The following PRRC2B variants were observed in gnomAD, a reference collection of about 807,000 sequenced individuals.
The protein encoded by PRRC2B is proline rich coiled-coil 2B.
PRRC2B carries 68 observed loss-of-function variants against 242.3 expected under a neutral mutation model. That is an observed-to-expected ratio of 0.28 (90% CI 0.23 to 0.34). The LOEUF is 0.34. Ranked by LOEUF, PRRC2B falls within the 10% of genes least tolerant of loss-of-function variation. The pLI is 1.00. For synonymous variants in PRRC2B, 1,228 were observed against 1,173.6 expected, an observed-to-expected ratio of 1.05 and a Z score of -0.95; for missense variants, 2,835 against 2,954.8, an observed-to-expected ratio of 0.96 and a Z score of 0.94.
Position 131,475,158 on chromosome 9 carries a change from A to C in PRRC2B, c.3029A>C (p.His1010Pro). ...TTTLEDKGPGHATFGREATKF... is the reference protein window; with the variant it reads ...TTTLEDKGPGPATFGREATKF... ...ACTTTGGAGGACAAAGGCCCTGGCC[A>C]TGCCACTTTTGGCCGCGAGGCCACC... Residue 1010 changes from histidine (H) to proline (P), a missense_variant, in exon 16 of 32, where the codon CAT becomes CCT. By Grantham distance (77) the His-to-Pro change is moderately conservative. Around this residue, in one of 7 missense-constraint regions of PRRC2B, gnomAD observed 1,536 missense variants for 1,483.1 expected, o/e 1.04. Coordinates refer to ENST00000683519, the MANE Select transcript of PRRC2B (RefSeq NM_013318.4). 1 of 1,613,300 alleles carries C rather than the reference A, an allele frequency of 6.2e-7. No homozygotes were observed. Among genetic ancestry groups the C allele is most frequent in the East Asian group, 2.2e-5 (1 of 44,862 alleles).
Position 131,475,285 on chromosome 9 carries a change from T to A in PRRC2B, c.3156T>A (p.Ile1052=). Residue 1052 remains isoleucine (I), a synonymous_variant, in exon 16 of 32, where the codon ATT becomes ATA. Coordinates refer to ENST00000683519, the MANE Select transcript of PRRC2B (RefSeq NM_013318.4). ...PPMKRNNWIF[I]DEEQAFGVRG... ...TGAAGAGAAATAACTGGATCTTTAT[T>A]GATGAGGAGCAAGCCTTTGGGGTCA... 1 of 1,611,762 alleles carries A rather than the reference T, an allele frequency of 6.2e-7. No homozygotes were observed. Among genetic ancestry groups the A allele is most frequent in the South Asian group, 1.1e-5 (1 of 90,896 alleles).
Position 131,444,337 on chromosome 9 carries a change from C to T in PRRC2B, c.613+9C>T, listed in dbSNP as rs775964364. On this transcript the variant is annotated intron_variant, in intron 6 of 31. Coordinates refer to ENST00000683519, the MANE Select transcript of PRRC2B (RefSeq NM_013318.4). ...AAGCCTCCGCCCTCAGAGTAAGTGACTGCAGCCTCTGGGCACTCGATGGAG... is the reference window on the plus strand; with the variant it reads ...AAGCCTCCGCCCTCAGAGTAAGTGATTGCAGCCTCTGGGCACTCGATGGAG... The T allele has an allele frequency of 1.2e-5, 19 of 1,609,084 alleles. No individual in the cohort carries two copies. Among genetic ancestry groups the T allele is most frequent in the African/African-American group, 9.4e-5 (7 of 74,840 alleles).
In PRRC2B at chr9:131,426,497, A is replaced by C. The variant is rs59708598; in HGVS notation, c.-51-3597A>C. 6.2e-3 allele frequency among the ~76,000 whole-genome samples: 940 copies of C among 152,196 alleles called. 9 individuals are homozygous for C. Among genetic ancestry groups the C allele is most frequent in the African/African-American group, 0.022 (895 of 41,526 alleles). On this transcript the variant is annotated intron_variant, in intron 1 of 31. Coordinates refer to ENST00000683519, the MANE Select transcript of PRRC2B (RefSeq NM_013318.4). The stretch of plus-strand genomic sequence containing the variant: ...TAGCCCACGGAACGATGCTCTTATT[A>C]ATTATGACTTTTGGGGAGTGGGACA...
intron 23 of PRRC2B, among the ~76,000 whole-genome samples, chr9:131,484,092 C>T (rs576697989): frequency 1.4e-4 from 21 of 152,326 alleles, no homozygotes; most frequent in African/African-American, 4.6e-4. Context: ...CTGGGCTCTA[C>T]GAGGTTCTTT....
chr9:131,476,437 G>T lies in PRRC2B; in HGVS notation c.4308G>T (p.Glu1436Asp), dbSNP rs1010386818. ...PVVDRQSRKL[E>D]PGGFGEKPVR... ...TTGACAGACAGAGCCGAAAGCTGGAGCCGGGAGGGTTTGGGGAGAAGCCCG... is the reference window on the plus strand; with the variant it reads ...TTGACAGACAGAGCCGAAAGCTGGATCCGGGAGGGTTTGGGGAGAAGCCCG... Residue 1436 changes from glutamate to aspartate, a missense_variant, in exon 16 of 32, where the codon GAG becomes GAT. Glu to Asp is a conservative substitution (Grantham distance 45). Transcript: ENST00000683519. 3 of 1,612,818 alleles carry T rather than the reference G, an allele frequency of 1.9e-6. No individual in the cohort carries two copies. Among genetic ancestry groups the T allele is most frequent in the Non-Finnish European group, 2.5e-6 (3 of 1,179,512 alleles).
Position 131,491,468 on chromosome 9 carries a change from T to C in PRRC2B, c.6269T>C (p.Leu2090Pro). 1 of 1,611,542 alleles carries C rather than the reference T, an allele frequency of 6.2e-7. No homozygotes were observed. The highest frequency in any genetic ancestry group is 8.5e-7 in the Non-Finnish European group (1 of 1,179,170). The part of the protein sequence containing the change: ...LPRYGSGQQP[L>P]ILPQSIQLPP... The stretch of plus-strand genomic sequence containing the variant: ...CGGTACGGCTCCGGGCAGCAGCCAC[T>C]GATCCTGCCCCAGTCTATTCAGCTG... The change falls in exon 29 of 32, where the codon CTG becomes CCG. Residue 2090 changes from leucine (L) to proline (P), a missense_variant. Leu to Pro is a moderately conservative substitution (Grantham distance 98). This residue lies in a region of PRRC2B where 574 missense variants were observed against 626.0 expected (regional missense o/e 0.92). Coordinates refer to ENST00000683519, the MANE Select transcript of PRRC2B (RefSeq NM_013318.4).
intron 1 of PRRC2B, among the ~76,000 whole-genome samples, chr9:131,396,577 T>C (rs1232372720): frequency 6.6e-6 from 1 of 152,168 alleles, no homozygotes; most frequent in Non-Finnish European, 1.5e-5. Flanking sequence ...TTGCCTGCCT[T>C]GGCCTCCCAA....
chr9:131,476,490 C>T lies in PRRC2B; in HGVS notation c.4361C>T (p.Pro1454Leu). 1 of 1,611,310 alleles carries T rather than the reference C, an allele frequency of 6.2e-7. No individual in the cohort carries two copies. Among genetic ancestry groups the T allele is most frequent in the East Asian group, 2.2e-5 (1 of 44,858 alleles). ...PVRPGGGDTSPRYESQQNGTP... is the reference protein window; with the variant it reads ...PVRPGGGDTSLRYESQQNGTP... ...AGGCCAGGTGGTGGTGACACCTCCC[C>T]TCGCTATGAGAGCCAACAGAATGGG... The change falls in exon 16 of 32, where the codon CCT becomes CTT. Residue 1454 changes from proline (P) to leucine (L), a missense_variant. By Grantham distance (98) the Pro-to-Leu change is moderately conservative. Around this residue, in one of 7 missense-constraint regions of PRRC2B, gnomAD observed 1,536 missense variants for 1,483.1 expected, o/e 1.04. Transcript: ENST00000683519.
rs1165441101 is a variant in PRRC2B at position 131,459,263 on chromosome 9, A to G, written c.1311A>G (p.Glu437=). ...GAGAGGAAGGGAAGGACTGGGCTGA[A>G]GCAGTGGGTGCGTCCCGTGTGGTCC... ...RTREEGKDWA[E]AVGASRVVRK... The change falls in exon 11 of 32, where the codon GAA becomes GAG. Residue 437 remains glutamate, a synonymous_variant. Transcript: ENST00000683519. 6.2e-7 allele frequency: 1 copy of G among 1,613,988 alleles called. No homozygotes were observed. The highest frequency in any genetic ancestry group is 2.2e-5 in the East Asian group (1 of 44,866).
chr9:131,459,282 G>A lies in PRRC2B; in HGVS notation c.1330G>A (p.Val444Met). Residue 444 changes from valine to methionine, a missense_variant, in exon 11 of 32, where the codon GTG becomes ATG. By Grantham distance (21) the Val-to-Met change is conservative. Coordinates refer to ENST00000683519, the MANE Select transcript of PRRC2B (RefSeq NM_013318.4). ...GGCTGAAGCAGTGGGTGCGTCCCGT[G>A]TGGTCCGAAAGGCGCCAGACCCTCA... ...DWAEAVGASR[V>M]VRKAPDPQPP... The A allele has an allele frequency of 6.2e-7, 1 of 1,613,976 alleles. No homozygotes were observed. Among genetic ancestry groups the A allele is most frequent in the Non-Finnish European group, 8.5e-7 (1 of 1,179,882 alleles).
At chr9:131,473,770 C>G in intron 15 of PRRC2B, 46 bp downstream of exon 15, 2 of 1,470,026 alleles carry the variant, frequency 1.4e-6, no homozygotes, top group Non-Finnish European at 1.9e-6. Flanking sequence ...AAGGAGGACT[C>G]CAGGTCCTAA....
chr9:131,460,816 G>A (rs759954163), intron 11 of PRRC2B, among the ~76,000 whole-genome samples: 1 of 151,914 alleles, frequency 6.6e-6, no homozygotes, highest in Non-Finnish European at 1.5e-5. Flanking sequence ...TCCTGGGTCC[G>A]CCCTTTCTCC....
intron 1 of PRRC2B, among the ~76,000 whole-genome samples, chr9:131,422,442 T>C (rs991535662): frequency 2.6e-5 from 4 of 152,200 alleles, no homozygotes; most frequent in African/African-American, 7.2e-5. Flanking sequence ...AGTGCTGTTA[T>C]GAAGGGGAGT....
At chr9:131,428,477 ACTT>A (rs1838033761) in intron 1 of PRRC2B, among the ~76,000 whole-genome samples, 1 of 152,136 alleles carries the variant, frequency 6.6e-6, no homozygotes, top group Admixed American at 6.5e-5. Context: ...GCTCACTGCA[ACTT>A]CTGCCTCCCG....
rs555102669 is a variant in PRRC2B, at chr9:131,475,828, C to T, written c.3699C>T (p.Gly1233=). ...CCCACTGGCAGAGCAAAAGTCCAGG[C>T]AGCTCTTGGCAGGAATATGGCCCTT... ...ESPHWQSKSP[G]SSWQEYGPSD... is the part of the protein sequence containing the mutation. Residue 1233 remains glycine, a synonymous_variant, in exon 16 of 32, where the codon GGC becomes GGT. Coordinates refer to ENST00000683519, the MANE Select transcript of PRRC2B (RefSeq NM_013318.4). The T allele has an allele frequency of 3.6e-4, 577 of 1,612,762 alleles. 2 individuals carry two copies. The South Asian group carries it at 6.0e-3, about 17-fold the overall frequency.
Position 131,499,557 on chromosome 9 carries a change from G to A in PRRC2B, c.*3683G>A, listed in dbSNP as rs1455059058. 6.6e-6 allele frequency: 1 copy of A among 152,250 alleles called. No individual in the cohort carries two copies. Among genetic ancestry groups the A allele is most frequent in the African/African-American group, 2.4e-5 (1 of 41,456 alleles). The allele number at this position is 152,250 out of a possible 1,614,324, so 9.4% of individuals were successfully genotyped here. A position where few individuals can be genotyped will look rare whatever the true frequency, so the allele number is the denominator to read the frequency against. ...CGGACCTAAGCAGGAAGTCATCCAG[G>A]ACAGGAGTGGCTCAGTGTTGGGGAT... On this transcript the variant is annotated 3_prime_UTR_variant, in exon 32 of 32. Transcript: ENST00000683519.
In PRRC2B at chr9:131,416,670, A is replaced by G. The variant is rs111370060; in HGVS notation, c.-51-13424A>G. On this transcript the variant is annotated intron_variant, in intron 1 of 31. Transcript: ENST00000683519. ...CCACATTAAATTTAATCATGTCCCC[A>G]TAGTTTCCACTAGGTTGTGACAATT... Among the ~76,000 whole-genome samples, 1,275 of 150,824 alleles carry G rather than the reference A, an allele frequency of 8.5e-3. 16 individuals are homozygous for G. The highest frequency in any genetic ancestry group is 0.028 in the African/African-American group (1,139 of 41,128).
chr9:131,434,394 C>T (rs569718027), intron 3 of PRRC2B, among the ~76,000 whole-genome samples: 15 of 152,378 alleles, frequency 9.8e-5, no homozygotes, highest in African/African-American at 3.6e-4. Flanking sequence ...TGCTGGAGCA[C>T]GTCCGCCAGG....
chr9:131,413,150 C>T (rs190363708), intron 1 of PRRC2B, among the ~76,000 whole-genome samples: 20 of 152,292 alleles, frequency 1.3e-4, no homozygotes, highest in African/African-American at 4.8e-4. Flanking sequence ...TATACTGGTC[C>T]AAGCAAGCAT....
Sources: allele counts gnomAD v4.1 joint callset (sites outside exome capture counted in the v4.1 genomes callset), GRCh38; gene constraint gnomAD v4.1.1; regional missense constraint gnomAD v4.1.1; transcripts MANE v1.5; gene names NCBI Gene and HGNC (gene_info 2026-07-23, HGNC 2026-07-21).